The following HDAC9 variants were observed in gnomAD, a reference collection of about 807,000 sequenced individuals.
HDAC9 encodes histone deacetylase 9, also known as MEF-2 interacting transcription repressor (MITR) protein.
Under a neutral mutation model 139.4 loss-of-function variants are expected in HDAC9, and 41 were observed. The observed-to-expected ratio is 0.29, with a 90% CI of 0.23 to 0.38. HDAC9 has a LOEUF of 0.38. HDAC9 is among the 10% of genes least tolerant of loss of function. HDAC9 has a pLI of 1.00. For synonymous variants in HDAC9, 517 were observed against 476.2 expected, an observed-to-expected ratio of 1.09 and a Z score of -1.12; for missense variants, 1,147 against 1,297.0, an observed-to-expected ratio of 0.88 and a Z score of 1.78.
At chr7:18,698,293 A>G (rs553489604) in intron 12 of HDAC9, among the ~76,000 whole-genome samples, 82 of 152,322 alleles carry the variant, frequency 5.4e-4, no homozygotes, top group Non-Finnish European at 1.0e-3. Context: ...GGTTCAGAAA[A>G]TTAAATTACG....
intron 23 of HDAC9, among the ~76,000 whole-genome samples, chr7:18,936,571 A>G (rs1239267440): frequency 6.6e-6 from 1 of 152,236 alleles, no homozygotes; most frequent in Non-Finnish European, 1.5e-5. Context: ...TATGAGGTTC[A>G]CTTCCAGCTC....
intron 1 of HDAC9, among the ~76,000 whole-genome samples, chr7:18,440,312 G>C (rs1428512726): frequency 6.6e-6 from 1 of 151,578 alleles, no homozygotes; most frequent in Non-Finnish European, 1.5e-5. Flanking sequence ...AGCCTCCCGA[G>C]TACCTGGGAT....
At chr7:18,442,208 C>G (rs1269274817) in intron 1 of HDAC9, among the ~76,000 whole-genome samples, 5 of 152,174 alleles carry the variant, frequency 3.3e-5, no homozygotes, top group Non-Finnish European at 7.4e-5. Flanking sequence ...AATGTTTTGA[C>G]ATCATATTTA....
chr7:18,416,273 G>A (rs972108603), intron 1 of HDAC9, among the ~76,000 whole-genome samples: 2 of 151,714 alleles, frequency 1.3e-5, no homozygotes, highest in African/African-American at 4.8e-5. Flanking sequence ...TCCAGCCTGG[G>A]CAACAAGAGC....
At chr7:18,205,551 A>G (rs1268874226) in intron 2 of HDAC9, among the ~76,000 whole-genome samples, 2 of 152,090 alleles carry the variant, frequency 1.3e-5, no homozygotes, top group Non-Finnish European at 2.9e-5. Flanking sequence ...CACCGAGGTG[A>G]CAGTATATTT....
At chr7:18,487,730 C>T (rs1796076333) in intron 1 of HDAC9, among the ~76,000 whole-genome samples, 1 of 152,068 alleles carries the variant, frequency 6.6e-6, no homozygotes, top group Non-Finnish European at 1.5e-5. Context: ...TGAATTGCAA[C>T]ATTAACCAAA....
At chr7:18,263,165 TG>T (rs1795787116) in intron 2 of HDAC9, among the ~76,000 whole-genome samples, 3 of 152,114 alleles carry the variant, frequency 2.0e-5, no homozygotes, top group Non-Finnish European at 4.4e-5. Flanking sequence ...AGTAAAAGAA[TG>T]GAGGAAGATA....
At chr7:18,605,761 A>C (rs113271654) in intron 6 of HDAC9, among the ~76,000 whole-genome samples, 4,148 of 152,012 alleles carry the variant, frequency 0.027, 193 homozygotes, top group African/African-American at 0.095. Flanking sequence ...GCTCACTGCA[A>C]GCTCCGCCTC....
At chr7:18,697,804 T>C (rs899271483) in intron 12 of HDAC9, among the ~76,000 whole-genome samples, 1 of 152,152 alleles carries the variant, frequency 6.6e-6, no homozygotes, top group Non-Finnish European at 1.5e-5. Context: ...AGTAGATTTT[T>C]TTTTTTGTTA....
chr7:18,918,271 A>G lies in HDAC9; in HGVS notation c.2804-17538A>G, dbSNP rs1803386071. On this transcript the variant is annotated intron_variant, in intron 22 of 25. Coordinates refer to ENST00000686413, the MANE Select transcript of HDAC9 (RefSeq NM_178425.4). ...AGAGGGAGAATGGAGTGCTGAGGCC[A>G]GTCTCTGAGGAGTACCCATGTTTCT... Among the ~76,000 whole-genome samples, 4 of 151,830 alleles carry G rather than the reference A, an allele frequency of 2.6e-5. No homozygotes were observed. In the South Asian group the frequency reaches 8.3e-4, roughly 32 times the overall value.
intron 2 of HDAC9, among the ~76,000 whole-genome samples, chr7:18,573,566 C>A (rs1384010898): frequency 6.6e-6 from 1 of 152,208 alleles, no homozygotes; most frequent in Non-Finnish European, 1.5e-5. Context: ...CCAGAACCCA[C>A]ACCTGCCAAG....
upstream of HDAC9, among the ~76,000 whole-genome samples, chr7:18,494,118 CA>C (rs978943287): frequency 8.6e-5 from 13 of 151,638 alleles, no homozygotes; most frequent in Non-Finnish European, 1.8e-4. Context: ...TTGTTTTTTC[CA>C]CTGACAGGAA....
At chr7:18,644,846 A>G (rs1786864728) in intron 9 of HDAC9, 53 bp downstream of exon 9, 2 of 1,543,028 alleles carry the variant, frequency 1.3e-6, no homozygotes, top group Middle Eastern at 1.7e-4. Flanking sequence ...ATCTTTTCAC[A>G]GGGGAACTCT....
chr7:18,239,220 CAGA>C (rs1054695707), intron 2 of HDAC9, among the ~76,000 whole-genome samples: 94 of 152,010 alleles, frequency 6.2e-4, no homozygotes, highest in African/African-American at 2.2e-3. Context: ...CATGTGCAAA[CAGA>C]AGGATACATC....
chr7:18,587,082 A>G (rs746759153), intron 3 of HDAC9, among the ~76,000 whole-genome samples: 1 of 152,180 alleles, frequency 6.6e-6, no homozygotes, highest in Non-Finnish European at 1.5e-5. Flanking sequence ...TTCCCTAAAT[A>G]CAGGGCAATA....
intron 25 of HDAC9, among the ~76,000 whole-genome samples, chr7:18,988,500 G>T (rs1439059719): frequency 6.6e-6 from 1 of 151,646 alleles, no homozygotes; most frequent in Non-Finnish European, 1.5e-5. Context: ...GTCAATTTTG[G>T]AATAGGTGTG....
intron 1 of HDAC9, among the ~76,000 whole-genome samples, chr7:18,150,077 GT>G (rs11422484): frequency 0.013 from 1,799 of 142,768 alleles, 32 homozygotes; most frequent in African/African-American, 0.039. Context: ...CTTTATTAGG[GT>G]TTTTTTTTTT....
At chr7:18,227,313 A>G (rs1584736743) in intron 2 of HDAC9, among the ~76,000 whole-genome samples, 1 of 152,210 alleles carries the variant, frequency 6.6e-6, no homozygotes, top group Admixed American at 6.5e-5. Context: ...TTTTGAAAGA[A>G]TATAAAAATT....
At chr7:18,941,375 T>C (rs771021965) in intron 23 of HDAC9, among the ~76,000 whole-genome samples, 5 of 152,180 alleles carry the variant, frequency 3.3e-5, no homozygotes, top group East Asian at 1.9e-4. Context: ...CTTTTAAAGA[T>C]GACGTTTTGC....
Sources: gnomAD v4.1 joint callset for allele counts (sites outside exome capture counted in the v4.1 genomes callset) on GRCh38, gnomAD v4.1.1 for gene constraint, MANE v1.5 for transcripts, NCBI Gene and HGNC (gene_info 2026-07-23, HGNC 2026-07-21) for gene names.